KLHL1: variants seen among roughly 807,000 people sequenced by gnomAD.
KLHL1 encodes kelch like family member 1.
A neutral mutation model predicts 77.7 loss-of-function variants in KLHL1; 47 were observed. The ratio of observed to expected loss-of-function variants is 0.60; its 90% CI spans 0.48 to 0.77. The LOEUF is 0.77. Ranked by LOEUF, KLHL1 falls within the 30% of genes least tolerant of loss-of-function variation. The pLI is 0.00. For missense variants in KLHL1, 925 were observed against 910.8 expected (o/e 1.02, Z -0.20); for synonymous variants, 360 against 325.2 (o/e 1.11, Z -1.15).
chr13:69,888,671 C>T (rs1881309502), intron 4 of KLHL1, among the ~76,000 whole-genome samples: 1 of 151,950 alleles, frequency 6.6e-6, no homozygotes, highest in Non-Finnish European at 1.5e-5. Flanking sequence ...AAAACATGAC[C>T]CTGTGGATAA....
At chr13:69,720,976 ATCAC>A (rs1873019001) in intron 8 of KLHL1, among the ~76,000 whole-genome samples, 1 of 125,766 alleles carries the variant, frequency 8.0e-6, no homozygotes, top group Non-Finnish European at 1.7e-5. Flanking sequence ...GGACTCCCAA[ATCAC>A]TAAAGCCAAA....
chr13:69,743,771 G>A (rs1409406419), intron 7 of KLHL1, among the ~76,000 whole-genome samples: 1 of 146,120 alleles, frequency 6.8e-6, no homozygotes, highest in East Asian at 2.1e-4. Context: ...GGGCAACAGA[G>A]TGAGATTTTG....
intron 1 of KLHL1, among the ~76,000 whole-genome samples, chr13:70,050,918 G>A (rs1430534468): frequency 2.0e-5 from 3 of 151,894 alleles, no homozygotes. Context: ...TCTCATATTT[G>A]TCATAGCTAA....
chr13:69,780,331 T>G (rs1161080013), intron 7 of KLHL1, among the ~76,000 whole-genome samples: 1 of 152,148 alleles, frequency 6.6e-6, no homozygotes, highest in Non-Finnish European at 1.5e-5. Flanking sequence ...AAATTTTGTT[T>G]CCTTGTGAAA....
chr13:70,037,113 A>T (rs1479503182), intron 1 of KLHL1, among the ~76,000 whole-genome samples: 3 of 151,972 alleles, frequency 2.0e-5, no homozygotes, highest in Admixed American at 6.6e-5. Flanking sequence ...TGTAATGCCA[A>T]TTTTACTTAG....
At position 69,838,996 on chromosome 13, in the gene KLHL1, C is replaced by T. The variant is rs1486497155; in HGVS notation, c.1394G>A (p.Gly465Glu). 1.2e-6 allele frequency: 2 copies of T among 1,608,086 alleles called. No individual in the cohort carries two copies. The highest frequency in any genetic ancestry group is 1.7e-6 in the Non-Finnish European group (2 of 1,176,922). Residue 465 changes from glycine to glutamate, a missense_variant, in exon 6 of 11, where the codon GGA (glycine) becomes GAA (glutamate). Physicochemically the swap from Gly to Glu is moderately conservative, Grantham distance 98. Transcript: ENST00000377844. ...AATACCTTTGTTGTTATCCATTCCT[C>T]CTACAGCATACAAAGTTCCGACTGT... ...KSTVGTLYAV[G>E]GMDNNKGATT...
At chr13:69,915,767 T>C (rs1882409947) in intron 4 of KLHL1, among the ~76,000 whole-genome samples, 1 of 151,970 alleles carries the variant, frequency 6.6e-6, no homozygotes, top group African/African-American at 2.4e-5. Context: ...CTGAAGAGCT[T>C]CTGCACAGCA....
intron 6 of KLHL1, among the ~76,000 whole-genome samples, chr13:69,814,427 G>T (rs1005302398): frequency 1.3e-5 from 2 of 152,088 alleles, no homozygotes; most frequent in African/African-American, 4.8e-5. Flanking sequence ...AAGAGCTTTG[G>T]CAAAGCAAAA....
At chr13:70,050,633 T>A (rs1173825306) in intron 1 of KLHL1, among the ~76,000 whole-genome samples, 1 of 151,996 alleles carries the variant, frequency 6.6e-6, no homozygotes, top group Non-Finnish European at 1.5e-5. Flanking sequence ...AGATTTTGAT[T>A]ACAATTTTTT....
chr13:70,031,456 T>G (rs2137366377), intron 1 of KLHL1, among the ~76,000 whole-genome samples: 1 of 152,320 alleles, frequency 6.6e-6, no homozygotes, highest in East Asian at 1.9e-4. Flanking sequence ...TACTCAAAAT[T>G]TACATTAAAT....
intron 7 of KLHL1, among the ~76,000 whole-genome samples, chr13:69,755,270 T>C (rs1347332521): frequency 1.3e-5 from 2 of 151,814 alleles, no homozygotes; most frequent in East Asian, 4.0e-4. Context: ...CACCAGCTTC[T>C]GCTTTGGGAT....
At position 69,915,796 on chromosome 13, in the gene KLHL1, G is replaced by A. The variant is rs188808333; in HGVS notation, c.1014+24244C>T. 6.4e-3 allele frequency among the ~76,000 whole-genome samples: 968 copies of A among 152,080 alleles called. 9 individuals carry two copies. The highest frequency in any genetic ancestry group is 0.02 in the African/African-American group (814 of 41,400). On this transcript the variant is annotated intron_variant, in intron 4 of 10. Coordinates refer to ENST00000377844, the MANE Select transcript of KLHL1 (RefSeq NM_020866.3). ...CACAGCAAAAGAAACTACCATCAGA[G>A]TGAAAAGGCAACCTACAAAATGGGA... is the stretch of plus-strand genomic sequence containing the variant.
intron 1 of KLHL1, among the ~76,000 whole-genome samples, chr13:70,089,838 C>T (rs1416581657): frequency 6.6e-6 from 1 of 152,042 alleles, no homozygotes; most frequent in Non-Finnish European, 1.5e-5. Flanking sequence ...CTACTTCCTA[C>T]TTATAGCTAA....
intron 7 of KLHL1, among the ~76,000 whole-genome samples, chr13:69,795,448 G>T (rs1295400142): frequency 6.6e-6 from 1 of 152,058 alleles, no homozygotes; most frequent in Non-Finnish European, 1.5e-5. Context: ...CTAAATATAG[G>T]AAAGGAAGCA....
At chr13:69,889,362 G>A (rs895619347) in intron 4 of KLHL1, among the ~76,000 whole-genome samples, 2 of 151,962 alleles carry the variant, frequency 1.3e-5, no homozygotes, top group African/African-American at 2.4e-5. Flanking sequence ...TATTTTACCG[G>A]GGAGAATGCT....
At chr13:69,974,080 G>A (rs1884473465) in intron 2 of KLHL1, among the ~76,000 whole-genome samples, 1 of 151,872 alleles carries the variant, frequency 6.6e-6, no homozygotes, top group Non-Finnish European at 1.5e-5. Flanking sequence ...ATGAGTTGCT[G>A]TTTGCTCAAA....
At chr13:69,743,607 A>C (rs1436643655) in intron 7 of KLHL1, among the ~76,000 whole-genome samples, 1 of 152,034 alleles carries the variant, frequency 6.6e-6, no homozygotes, top group African/African-American at 2.4e-5. Context: ...CAACAAGGCA[A>C]AAATCTCGTC....
intron 9 of KLHL1, among the ~76,000 whole-genome samples, chr13:69,711,734 T>TGG (rs1875885230): frequency 6.6e-6 from 1 of 152,106 alleles, no homozygotes; most frequent in African/African-American, 2.4e-5. Context: ...ATGGGATTTC[T>TGG]GGGTCAAAGA....
intron 7 of KLHL1, among the ~76,000 whole-genome samples, chr13:69,754,097 C>T (rs1488864984): frequency 1.3e-5 from 2 of 151,938 alleles, no homozygotes; most frequent in Middle Eastern, 3.2e-3. Context: ...CTGCCTCAGC[C>T]TCCCAAAATG....
Sources: gnomAD v4.1 joint callset for allele counts (sites outside exome capture counted in the v4.1 genomes callset) on GRCh38, gnomAD v4.1.1 for gene constraint, MANE v1.5 for transcripts, NCBI Gene and HGNC (gene_info 2026-07-23, HGNC 2026-07-21) for gene names.